The following SLA variants were observed in gnomAD, a reference collection of about 807,000 sequenced individuals.
SLA encodes the protein Src like adaptor.
In SLA, 16 loss-of-function variants were observed where a neutral mutation model predicts 30.3. The ratio of observed to expected loss-of-function variants is 0.53; its 90% confidence interval spans 0.36 to 0.80. The LOEUF is 0.80. Ranked by LOEUF, SLA falls within the 30% of genes least tolerant of loss-of-function variation. The pLI is 0.01. For missense variants in SLA, 310 were observed against 345.2 expected, an observed-to-expected ratio of 0.90 and a Z score of 0.81; for synonymous variants, 143 against 137.8, an observed-to-expected ratio of 1.04 and a Z score of -0.26.
At chr8:133,094,845 A>T (rs1848168419) in intron 1 of SLA, 1 of 697,236 alleles carries the variant, frequency 1.4e-6, no homozygotes, top group Admixed American at 2.1e-5. Flanking sequence ...GCCTAGAGAG[A>T]CATCTTCAGT....
chr8:133,070,422 G>A (rs771972938), intron 2 of SLA, among the ~76,000 whole-genome samples: 2 of 152,156 alleles, frequency 1.3e-5, no homozygotes, highest in Non-Finnish European at 2.9e-5. Flanking sequence ...TCCACTATGC[G>A]GAGGGCCTAA....
Position 133,095,102 on chromosome 8 carries a change from C to T in SLA, c.-319+7451G>A, listed in dbSNP as rs774802955. ...AGCCATGAGAGGGCTCAGCAGCAGG[C>T]AATTGCTTTGGCAAAGGAGGTCAGT... On this transcript the variant is annotated intron_variant, in intron 1 of 8. Transcript: ENST00000338087. 4 of 1,614,066 alleles carry T rather than the reference C, an allele frequency of 2.5e-6. No homozygotes were observed. The South Asian group carries it at 4.4e-5, about 18-fold the overall frequency.
At chr8:133,079,444 G>A (rs940219682) in intron 1 of SLA, among the ~76,000 whole-genome samples, 5 of 152,092 alleles carry the variant, frequency 3.3e-5, no homozygotes, top group African/African-American at 9.7e-5. Flanking sequence ...CATACTTCAC[G>A]TTGTCAGGAG....
intron 1 of SLA, among the ~76,000 whole-genome samples, chr8:133,097,960 G>A (rs774466195): frequency 6.6e-6 from 1 of 152,180 alleles, no homozygotes; most frequent in Non-Finnish European, 1.5e-5. Context: ...GTGAGTGTGT[G>A]TGTGTTGCAA....
intron 2 of SLA, chr8:133,060,464 ACCCT>A: frequency 8.0e-6 from 9 of 1,125,292 alleles, no homozygotes; most frequent in African/African-American, 1.6e-5. Context: ...ATTCCTCCGC[ACCCT>A]TGCTGAGGAT....
intron 1 of SLA, among the ~76,000 whole-genome samples, chr8:133,092,143 G>T (rs1372916805): frequency 6.6e-6 from 1 of 152,080 alleles, no homozygotes; most frequent in Non-Finnish European, 1.5e-5. Context: ...TAACTCCCAG[G>T]ATCCTCTGAG....
At chr8:133,080,288 C>T (rs1018028646) in intron 1 of SLA, among the ~76,000 whole-genome samples, 17 of 152,126 alleles carry the variant, frequency 1.1e-4, no homozygotes, top group African/African-American at 1.7e-4. Flanking sequence ...GCGTATGTTA[C>T]GTATTTAGTC....
chr8:133,076,807 TACTTA>T (rs1564159036), intron 1 of SLA: 1 of 149,208 alleles, frequency 6.7e-6, no homozygotes, highest in Non-Finnish European at 1.5e-5. Flanking sequence ...CCCTTCCCTG[TACTTA>T]ACTTAATTTA....
intron 1 of SLA, among the ~76,000 whole-genome samples, chr8:133,092,236 G>A (rs1419113306): frequency 1.3e-5 from 2 of 152,218 alleles, no homozygotes; most frequent in Non-Finnish European, 2.9e-5. Flanking sequence ...TTGGCCAGGC[G>A]CAGGCCCTGA....
Position 133,041,387 on chromosome 8 carries a change from A to G in SLA, c.485-1257T>C, listed in dbSNP as rs1456733463. Among the ~76,000 whole-genome samples the G allele has an allele frequency of 3.3e-5, 5 of 152,346 alleles. No individual in the cohort carries two copies. The East Asian group carries it at 9.6e-4, about 29-fold the overall frequency. On this transcript the variant is annotated intron_variant, in intron 7 of 8. Coordinates refer to ENST00000338087, the MANE Select transcript of SLA (RefSeq NM_001045556.3). ...GGGCAAGCCAGGAAGACCTCGTTTCATGGTTTTCAGTCCGACTTCAACTGT... is the reference window on the plus strand; with the variant it reads ...GGGCAAGCCAGGAAGACCTCGTTTCGTGGTTTTCAGTCCGACTTCAACTGT...
Position 133,065,140 on chromosome 8 carries a change from T to C in SLA, c.-40-4940A>G, listed in dbSNP as rs1341124827. ...AGTGGAGAAGCCTCAATGTCCACCA[T>C]ATATGTGAATGCCAACAACAACGGT... On this transcript the variant is annotated intron_variant, in intron 2 of 8. Coordinates refer to ENST00000338087, the MANE Select transcript of SLA (RefSeq NM_001045556.3). 2.6e-5 allele frequency among the ~76,000 whole-genome samples: 4 copies of C among 152,166 alleles called. No individual in the cohort carries two copies. In the East Asian group the frequency reaches 7.7e-4, roughly 29 times the overall value.
chr8:133,100,322 A>G (rs992883057), intron 1 of SLA, among the ~76,000 whole-genome samples: 11 of 152,122 alleles, frequency 7.2e-5, no homozygotes, highest in African/African-American at 2.7e-4. Flanking sequence ...CCTACATCCT[A>G]CACCCTACCC....
At chr8:133,050,697 C>T in intron 4 of SLA, 119 bp downstream of exon 4, 1 of 697,362 alleles carries the variant, frequency 1.4e-6, no homozygotes, top group East Asian at 2.6e-5. Flanking sequence ...TTTCTCACCT[C>T]ATAATAGGAC....
intron 3 of SLA, 142 bp from the exon 4 acceptor site, chr8:133,051,057 C>T: frequency 1.6e-6 from 1 of 621,740 alleles, no homozygotes; most frequent in Non-Finnish European, 2.9e-6. Context: ...CAATTTACAG[C>T]AAGGTCCTCT....
At chr8:133,100,704 C>G (rs931989962) in intron 1 of SLA, among the ~76,000 whole-genome samples, 3 of 152,208 alleles carry the variant, frequency 2.0e-5, no homozygotes, top group African/African-American at 4.8e-5. Flanking sequence ...CCTCTGAGAG[C>G]CTTCCATCTA....
chr8:133,066,411 ATC>A (rs750065167), intron 2 of SLA, among the ~76,000 whole-genome samples: 2 of 152,184 alleles, frequency 1.3e-5, no homozygotes, highest in Admixed American at 6.5e-5. Context: ...TGCTTTTAGA[ATC>A]TCTGTTTCAT....
intron 2 of SLA, among the ~76,000 whole-genome samples, chr8:133,068,612 G>T (rs1167845273): frequency 6.6e-6 from 1 of 152,118 alleles, no homozygotes; most frequent in Non-Finnish European, 1.5e-5. Flanking sequence ...AGGTGTTGAG[G>T]GCTGTGCACA....
intron 8 of SLA, among the ~76,000 whole-genome samples, chr8:133,039,752 T>C (rs920830084): frequency 2.0e-5 from 3 of 152,138 alleles, no homozygotes; most frequent in African/African-American, 7.2e-5. Context: ...AAGGACTCAG[T>C]AAATGTTTGC....
chr8:133,094,768 C>A (rs1848157690), intron 1 of SLA: 3 of 517,516 alleles, frequency 5.8e-6, no homozygotes, highest in Admixed American at 3.1e-5. Context: ...TATACAAATT[C>A]ATCTGCACAG....
Sources: allele counts gnomAD v4.1 joint callset (sites outside exome capture counted in the v4.1 genomes callset), GRCh38; gene constraint gnomAD v4.1.1; transcripts MANE v1.5; gene names NCBI Gene and HGNC (gene_info 2026-07-23, HGNC 2026-07-21).